The following TNNI3K variants were observed in gnomAD, a reference collection of about 807,000 sequenced individuals.
TNNI3K encodes serine/threonine-protein kinase TNNI3K.
TNNI3K carries 140 observed loss-of-function variants against 114.5 expected under a neutral mutation model. The ratio of observed to expected loss-of-function variants is 1.22; its 90% CI spans 1.07 to 1.41. The LOEUF is 1.41. TNNI3K is among the 40% of genes most tolerant of loss of function. The pLI is 0.00. For missense variants in TNNI3K, 1,125 were observed against 1,007.6 expected (o/e 1.12, Z -1.58); for synonymous variants, 347 against 347.5 (o/e 1.00, Z 0.02).
chr1:74,363,996 T>TATTATTATG (rs2100506359), intron 11 of TNNI3K, among the ~76,000 whole-genome samples: 2 of 146,484 alleles, frequency 1.4e-5, no homozygotes, highest in East Asian at 4.0e-4. Flanking sequence ...TTATTATTAT[T>TATTATTATG]ATTATTATTA....
intron 6 of TNNI3K, 51 bp downstream of exon 6, chr1:74,331,599 C>G: frequency 6.6e-7 from 1 of 1,505,180 alleles, no homozygotes; most frequent in African/African-American, 1.4e-5. Flanking sequence ...TAAGTGTAGG[C>G]TTTTGTTGAA....
intron 17 of TNNI3K, among the ~76,000 whole-genome samples, chr1:74,418,669 T>C (rs1422315902): frequency 1.3e-5 from 2 of 152,024 alleles, no homozygotes; most frequent in Non-Finnish European, 2.9e-5. Flanking sequence ...ACTGATATTC[T>C]GTCCAAACTA....
chr1:74,467,080 A>G (rs1205489887), intron 21 of TNNI3K, among the ~76,000 whole-genome samples: 1 of 152,204 alleles, frequency 6.6e-6, no homozygotes, highest in Non-Finnish European at 1.5e-5. Context: ...GTAACACTTG[A>G]GCTGAGGCCA....
chr1:74,379,480 T>C (rs1663089272), intron 17 of TNNI3K, among the ~76,000 whole-genome samples: 1 of 152,160 alleles, frequency 6.6e-6, no homozygotes, highest in African/African-American at 2.4e-5. Context: ...TCTAATCCTA[T>C]TTATGAGCTG....
chr1:74,311,616 G>A (rs1659001428), intron 5 of TNNI3K, among the ~76,000 whole-genome samples: 1 of 152,162 alleles, frequency 6.6e-6, no homozygotes, highest in South Asian at 2.1e-4. Flanking sequence ...ATCAAGAACA[G>A]TAAATTGTTT....
intron 21 of TNNI3K, chr1:74,471,982 T>C: frequency 1.6e-6 from 1 of 627,604 alleles, no homozygotes. Context: ...TTTTGATCTA[T>C]TTTTTTGTAC....
intron 23 of TNNI3K, among the ~76,000 whole-genome samples, chr1:74,505,149 C>T (rs1452413890): frequency 6.6e-6 from 1 of 152,162 alleles, no homozygotes; most frequent in Non-Finnish European, 1.5e-5. Flanking sequence ...ACACAGATCC[C>T]GCCTTTGGCA....
At chr1:74,379,460 T>C (rs1663087948) in intron 17 of TNNI3K, among the ~76,000 whole-genome samples, 1 of 152,082 alleles carries the variant, frequency 6.6e-6, no homozygotes, top group Non-Finnish European at 1.5e-5. Flanking sequence ...CACTTAGTTC[T>C]ACAAATTACT....
intron 23 of TNNI3K, among the ~76,000 whole-genome samples, chr1:74,506,614 G>A (rs1490251500): frequency 1.3e-5 from 2 of 152,132 alleles, no homozygotes; most frequent in Non-Finnish European, 2.9e-5. Context: ...CAGCAGCTCT[G>A]GCATCACCTA....
At chr1:74,474,094 A>G (rs879438036) in intron 21 of TNNI3K, among the ~76,000 whole-genome samples, 3 of 152,172 alleles carry the variant, frequency 2.0e-5, no homozygotes, top group Non-Finnish European at 2.9e-5. Flanking sequence ...AATCTGACAA[A>G]CCAGTGTTCT....
At chr1:74,350,584 T>G (rs1661284342) in intron 9 of TNNI3K, among the ~76,000 whole-genome samples, 1 of 152,190 alleles carries the variant, frequency 6.6e-6, no homozygotes, top group Non-Finnish European at 1.5e-5. Context: ...TCTCCCATTA[T>G]TATTGTATGG....
chr1:74,526,326 T>A (rs1354955423), intron 23 of TNNI3K, among the ~76,000 whole-genome samples: 1 of 152,180 alleles, frequency 6.6e-6, no homozygotes, highest in Non-Finnish European at 1.5e-5. Context: ...TGGGCTCCAA[T>A]CTAGTTGCTG....
At chr1:74,339,719 T>A (rs1295656175) in intron 7 of TNNI3K, among the ~76,000 whole-genome samples, 2 of 152,082 alleles carry the variant, frequency 1.3e-5, no homozygotes, top group African/African-American at 4.8e-5. Flanking sequence ...GTTTTGCTTC[T>A]TTGTATCTCT....
intron 23 of TNNI3K, among the ~76,000 whole-genome samples, chr1:74,533,762 G>A (rs1196524329): frequency 6.6e-6 from 1 of 151,964 alleles, no homozygotes; most frequent in African/African-American, 2.4e-5. Context: ...GTCCTTTGTA[G>A]GGACATGGAT....
intron 17 of TNNI3K, among the ~76,000 whole-genome samples, chr1:74,380,433 C>A (rs45582635): frequency 6.6e-6 from 1 of 152,114 alleles, no homozygotes; most frequent in Non-Finnish European, 1.5e-5. Flanking sequence ...GGTGCGAATG[C>A]TCAAAGCTAG....
At position 74,236,929 on chromosome 1, in the gene TNNI3K, C is replaced by T. The variant is rs554829212; in HGVS notation, c.149+719C>T. 2.4e-4 allele frequency among the ~76,000 whole-genome samples: 37 copies of T among 151,940 alleles called. 1 individual carries two copies. The South Asian group carries it at 7.7e-3, about 32-fold the overall frequency. ...TACCTGCCTGACTAAGGAAAAGTTC[C>T]ATATAGGCCAATTAGCCATGTTCAT... is the stretch of plus-strand genomic sequence containing the variant. On this transcript the variant is annotated intron_variant, in intron 2 of 24. Transcript: ENST00000326637.
intron 5 of TNNI3K, among the ~76,000 whole-genome samples, chr1:74,321,524 C>T (rs1659610589): frequency 6.6e-6 from 1 of 151,938 alleles, no homozygotes; most frequent in African/African-American, 2.4e-5. Flanking sequence ...CACTTCTCCT[C>T]CCTCTCTCTA....
chr1:74,297,173 T>C (rs1016182184), intron 5 of TNNI3K, among the ~76,000 whole-genome samples: 1 of 152,066 alleles, frequency 6.6e-6, no homozygotes, highest in African/African-American at 2.4e-5. Context: ...TACTTCAACA[T>C]AGATCAACAC....
intron 5 of TNNI3K, among the ~76,000 whole-genome samples, chr1:74,303,568 G>A (rs543199033): frequency 6.6e-6 from 1 of 152,252 alleles, no homozygotes; most frequent in East Asian, 1.9e-4. Flanking sequence ...GGTCACCTAA[G>A]AGCTCTGATG....
Sources: allele counts gnomAD v4.1 joint callset (sites outside exome capture counted in the v4.1 genomes callset), GRCh38; gene constraint gnomAD v4.1.1; transcripts MANE v1.5; gene names NCBI Gene and HGNC (gene_info 2026-07-23, HGNC 2026-07-21).